Variants in EPG5 observed in about 807,000 individuals in gnomAD.
EPG5 encodes ectopic P-granules 5 autophagy tethering factor.
Under a neutral mutation model 302.7 loss-of-function variants are expected in EPG5, and 159 were observed. That is an observed-to-expected ratio of 0.53 (90% CI 0.46 to 0.60). EPG5 has a LOEUF of 0.60. Ranked by LOEUF, EPG5 falls within the 20% of genes least tolerant of loss-of-function variation. EPG5 has a pLI of 0.00. For synonymous variants in EPG5, 1,158 were observed against 1,136.8 expected (o/e 1.02, Z -0.37); for missense variants, 2,896 against 3,092.4 (o/e 0.94, Z 1.51).
chr18:45,925,787 T>G lies in EPG5; in HGVS notation c.2669A>C (p.Lys890Thr). The G allele has an allele frequency of 6.4e-7, 1 of 1,573,878 alleles. No individual in the cohort carries two copies. Among genetic ancestry groups the G allele is most frequent in the South Asian group, 1.2e-5 (1 of 83,600 alleles). The change falls in exon 14 of 44, where the codon AAA becomes ACA. Residue 890 changes from lysine (K) to threonine (T), a missense_variant. Coordinates refer to ENST00000282041, the MANE Select transcript of EPG5 (RefSeq NM_020964.3). ...LNYNLTVVKNKLACVILEGLN... is the reference protein window; with the variant it reads ...LNYNLTVVKNTLACVILEGLN... ...TCCTTCAAGAATAACACAGGCCAGT[T>G]TATTCTTCACCACTGTCAGGTTGTA...
At chr18:45,872,572 C>T (rs1283154400) in intron 35 of EPG5, among the ~76,000 whole-genome samples, 3 of 152,102 alleles carry the variant, frequency 2.0e-5, no homozygotes, top group African/African-American at 7.2e-5. Flanking sequence ...GGTGTGGTGG[C>T]AGGCACCTGT....
the EPG5 span, among the ~76,000 whole-genome samples, chr18:45,801,978 T>A: frequency 2.6e-5 from 4 of 152,164 alleles, no homozygotes; most frequent in East Asian, 7.7e-4. Context: ...TCATCAGCTC[T>A]GATGGCGGAA....
At position 45,880,219 on chromosome 18, in the gene EPG5, G is replaced by A. The variant is rs774568663; in HGVS notation, c.5523C>T (p.Ser1841=). 9.4e-6 allele frequency: 15 copies of A among 1,592,840 alleles called. No individual in the cohort carries two copies. The highest frequency in any genetic ancestry group is 3.5e-5 in the Admixed American group (2 of 56,492). Residue 1841 remains serine (S), a synonymous_variant, in exon 32 of 44, where the codon TCC becomes TCT. Transcript: ENST00000282041. The stretch of plus-strand genomic sequence containing the variant: ...ACTCGGGGCTCAGAAGCTGCTCCGC[G>A]GAGCCTGCCAGCAGGGACAGGAAGA... ...SDILRLLMQS[S]AEQLLSPECW...
At chr18:45,814,610 C>T in the EPG5 span, among the ~76,000 whole-genome samples, 2 of 152,144 alleles carry the variant, frequency 1.3e-5, no homozygotes, top group Admixed American at 1.3e-4. Flanking sequence ...GAGAAAAGTG[C>T]ATGATATCTG....
At chr18:45,927,057 G>A (rs2050287740) in intron 13 of EPG5, among the ~76,000 whole-genome samples, 1 of 144,600 alleles carries the variant, frequency 6.9e-6, no homozygotes, top group Admixed American at 7.2e-5. Context: ...TTTTGAGACA[G>A]AGTCTCTATC....
At chr18:45,803,660 C>T in the EPG5 span, among the ~76,000 whole-genome samples, 280 of 152,192 alleles carry the variant, frequency 1.8e-3, 1 homozygote, top group African/African-American at 5.9e-3. Flanking sequence ...ATAAAGTCTG[C>T]CCCAATTTTT....
chr18:45,950,481 C>T (rs1386022463), intron 4 of EPG5, among the ~76,000 whole-genome samples: 2 of 152,182 alleles, frequency 1.3e-5, no homozygotes, highest in African/African-American at 4.8e-5. Flanking sequence ...CTCTTGCCAC[C>T]ACCATGTACG....
intron 7 of EPG5, among the ~76,000 whole-genome samples, chr18:45,945,086 A>G (rs951148332): frequency 4.6e-5 from 7 of 152,192 alleles, no homozygotes; most frequent in African/African-American, 1.7e-4. Context: ...AAGTAAAAAG[A>G]TCCTGAGAAC....
the EPG5 span, among the ~76,000 whole-genome samples, chr18:45,832,028 G>A: frequency 1.6e-3 from 237 of 152,294 alleles, 4 homozygotes; most frequent in East Asian, 0.013. Flanking sequence ...CGCCACGCCC[G>A]GCCCAACATC....
downstream of EPG5, among the ~76,000 whole-genome samples, chr18:45,845,577 G>A (rs943755935): frequency 6.6e-6 from 1 of 152,224 alleles, no homozygotes; most frequent in Non-Finnish European, 1.5e-5. Context: ...TCTGTCACTG[G>A]CAACAAAGAC....
intron 24 of EPG5, among the ~76,000 whole-genome samples, chr18:45,906,092 TC>T (rs1358601977): frequency 6.6e-6 from 1 of 152,182 alleles, no homozygotes; most frequent in African/African-American, 2.4e-5. Flanking sequence ...TTTGCCTCAT[TC>T]CTGAATTCTA....
the EPG5 span, chr18:45,836,921 C>T: frequency 1.4e-6 from 1 of 709,120 alleles, no homozygotes. Flanking sequence ...GTGAGGCGAT[C>T]CTGAACGCTG....
the EPG5 span, among the ~76,000 whole-genome samples, chr18:45,807,845 T>A: frequency 6.6e-6 from 1 of 152,104 alleles, no homozygotes; most frequent in Non-Finnish European, 1.5e-5. Flanking sequence ...AGAATCACAC[T>A]AGCTCATCAG....
At chr18:45,915,791 A>T (rs1207432003) in intron 19 of EPG5, among the ~76,000 whole-genome samples, 170 bp from the exon 20 acceptor site, 1 of 152,248 alleles carries the variant, frequency 6.6e-6, no homozygotes, top group Non-Finnish European at 1.5e-5. Context: ...ATTACAGCCA[A>T]ATGTAACAAG....
At chr18:45,953,897 C>A in intron 2 of EPG5, 6 of 985,316 alleles carry the variant, frequency 6.1e-6, no homozygotes, top group Non-Finnish European at 7.2e-6. Context: ...CCCTTCTCAA[C>A]CTTGACACTC....
intron 16 of EPG5, among the ~76,000 whole-genome samples, chr18:45,920,357 A>C (rs186745893): frequency 1.3e-5 from 2 of 152,338 alleles, no homozygotes; most frequent in African/African-American, 4.8e-5. Context: ...CCCTTGAAGT[A>C]ACTGTGGGCA....
chr18:45,915,614 A>G lies in EPG5; in HGVS notation c.3590T>C (p.Leu1197Ser). The G allele has an allele frequency of 6.2e-7, 1 of 1,613,674 alleles. No individual in the cohort carries two copies. Among genetic ancestry groups the G allele is most frequent in the Non-Finnish European group, 8.5e-7 (1 of 1,179,584 alleles). Residue 1197 changes from leucine (L) to serine (S), a missense_variant, in exon 20 of 44, where the codon TTG becomes TCG. Leu to Ser is a moderately radical substitution (Grantham distance 145). Around this residue, in one of 5 missense-constraint regions of EPG5, gnomAD observed 1,390 missense variants for 1,430.0 expected, o/e 0.97. Coordinates refer to ENST00000282041, the MANE Select transcript of EPG5 (RefSeq NM_020964.3). ...CAGACTCCGGTCACAGTGGTAACCC[A>G]AGGCATTCTACACCGGGAGATGTGG... ...KLLYQQHKNALGYHCDRSLLS... is the reference protein window; with the variant it reads ...KLLYQQHKNASGYHCDRSLLS...
At chr18:45,810,707 G>A in the EPG5 span, among the ~76,000 whole-genome samples, 1 of 152,282 alleles carries the variant, frequency 6.6e-6, no homozygotes, top group East Asian at 1.9e-4. Flanking sequence ...CTTGAACCTG[G>A]GAGGCGGAGG....
the EPG5 span, among the ~76,000 whole-genome samples, chr18:45,804,826 C>T: frequency 6.6e-6 from 1 of 152,054 alleles, no homozygotes; most frequent in Non-Finnish European, 1.5e-5. Flanking sequence ...ACTGCTTTTC[C>T]AGCCTAATTC....
Sources: allele counts gnomAD v4.1 joint callset (sites outside exome capture counted in the v4.1 genomes callset), GRCh38; gene constraint gnomAD v4.1.1; regional missense constraint gnomAD v4.1.1; transcripts MANE v1.5; gene names NCBI Gene and HGNC (gene_info 2026-07-23, HGNC 2026-07-21).